FAM13A: variants seen among roughly 807,000 people sequenced by gnomAD.
The protein encoded by FAM13A is protein FAM13A.
A neutral mutation model predicts 129.6 loss-of-function variants in FAM13A; 76 were observed. That is an observed-to-expected ratio of 0.59 (90% CI 0.49 to 0.71). The LOEUF is 0.71. Ranked by LOEUF, FAM13A falls within the 30% of genes least tolerant of loss-of-function variation. The pLI is 0.00. For synonymous variants in FAM13A, 443 were observed against 449.9 expected, an observed-to-expected ratio of 0.98 and a Z score of 0.20; for missense variants, 1,108 against 1,249.3, an observed-to-expected ratio of 0.89 and a Z score of 1.70.
chr4:88,777,715 C>T (rs1022190692), intron 11 of FAM13A, among the ~76,000 whole-genome samples: 1 of 152,130 alleles, frequency 6.6e-6, no homozygotes, highest in East Asian at 1.9e-4. Flanking sequence ...TTGGCTGTGC[C>T]GTGGGCCAGC....
chr4:89,004,046 C>T (rs540131341), intron 3 of FAM13A, among the ~76,000 whole-genome samples: 2 of 152,302 alleles, frequency 1.3e-5, no homozygotes, highest in South Asian at 2.1e-4. Flanking sequence ...TGGTCTCAAA[C>T]TACTGGCCTA....
At chr4:88,769,199 TACA>T (rs1262820991) in intron 11 of FAM13A, among the ~76,000 whole-genome samples, 3 of 152,176 alleles carry the variant, frequency 2.0e-5, no homozygotes, top group African/African-American at 7.2e-5. Context: ...AGTTGGCATT[TACA>T]ACAATCTCCA....
At chr4:88,990,942 T>A (rs1395909794) in intron 4 of FAM13A, 31 bp downstream of exon 4, 1 of 1,540,902 alleles carries the variant, frequency 6.5e-7, no homozygotes. Flanking sequence ...GGGGACATGA[T>A]GATATTAACA....
At chr4:88,788,012 G>T in intron 9 of FAM13A, 80 bp from the exon 10 acceptor site, 1 of 1,099,248 alleles carries the variant, frequency 9.1e-7, no homozygotes, top group South Asian at 1.6e-5. Context: ...CTACAGTTTT[G>T]GGAACATCTG....
At chr4:88,963,150 G>A (rs1188204327) in intron 4 of FAM13A, among the ~76,000 whole-genome samples, 3 of 151,838 alleles carry the variant, frequency 2.0e-5, no homozygotes. Flanking sequence ...AAATTGATGA[G>A]GTTATATGCT....
chr4:88,763,205 C>T (rs538912985), intron 13 of FAM13A, among the ~76,000 whole-genome samples: 2 of 152,150 alleles, frequency 1.3e-5, no homozygotes, highest in African/African-American at 2.4e-5. Context: ...AAATGAAAAA[C>T]GTGTACAAAA....
chr4:88,737,555 C>T lies in FAM13A; in HGVS notation c.2563G>A (p.Gly855Ser), dbSNP rs145874119. ...CTTCTCCGCTTGCTGGAGGGGGAAC[C>T]CTGTGACAGGTGTTAACAAGTAGGT... is the stretch of plus-strand genomic sequence containing the variant. ...LSRANTIPII[G>S]SPSSKRRSPL... The change falls in exon 21 of 24, where the codon GGT (glycine) becomes AGT (serine). Residue 855 changes from glycine (G) to serine (S), a missense_variant and splice_region_variant. Physicochemically the swap from Gly to Ser is moderately conservative, Grantham distance 56. Coordinates refer to ENST00000264344, the MANE Select transcript of FAM13A (RefSeq NM_014883.4). 1 of 1,613,774 alleles carries T rather than the reference C, an allele frequency of 6.2e-7. No homozygotes were observed. The highest frequency in any genetic ancestry group is 8.5e-7 in the Non-Finnish European group (1 of 1,179,736).
intron 5 of FAM13A, among the ~76,000 whole-genome samples, chr4:88,934,749 A>C (rs1561377100): frequency 6.6e-6 from 1 of 152,212 alleles, no homozygotes. Flanking sequence ...GAGAAAAGAA[A>C]CCTCCAACTT....
intron 1 of FAM13A, among the ~76,000 whole-genome samples, chr4:89,036,732 GCCCAGGGT>G (rs905613799): frequency 6.6e-6 from 1 of 152,162 alleles, no homozygotes; most frequent in African/African-American, 2.4e-5. Context: ...CCTGGGCCAG[GCCCAGGGT>G]CCTGTTGCTC....
intron 10 of FAM13A, among the ~76,000 whole-genome samples, chr4:88,783,280 CT>C (rs920293681): frequency 1.3e-5 from 2 of 151,022 alleles, no homozygotes; most frequent in South Asian, 2.1e-4. Flanking sequence ...CCACTTATAA[CT>C]TTTTTTTTCA....
intron 7 of FAM13A, among the ~76,000 whole-genome samples, chr4:88,813,664 A>G (rs889186073): frequency 3.8e-4 from 58 of 152,332 alleles, no homozygotes; most frequent in African/African-American, 1.4e-3. Context: ...TGAGACAAAG[A>G]TGTGCAGAAG....
chr4:88,822,867 A>C, intron 7 of FAM13A: 1 of 1,506,912 alleles, frequency 6.6e-7, no homozygotes, highest in Non-Finnish European at 8.9e-7. Context: ...AACGGACTCT[A>C]CACACTTTGC....
rs1021795284 is a variant in FAM13A at position 88,924,395 on chromosome 4, C to T, written c.759+13693G>A. ...AACAGAACAGAGCCCTCAGAAATAA[C>T]GCCACATATCTACAACTATCTGATC... On this transcript the variant is annotated intron_variant, in intron 5 of 23. Coordinates refer to ENST00000264344, the MANE Select transcript of FAM13A (RefSeq NM_014883.4). Among the ~76,000 whole-genome samples the T allele has an allele frequency of 1.4e-3, 209 of 152,108 alleles. 2 individuals are homozygous for T. The highest frequency in any genetic ancestry group is 4.3e-3 in the African/African-American group (179 of 41,504).
intron 4 of FAM13A, among the ~76,000 whole-genome samples, chr4:88,976,535 C>A (rs1293640501): frequency 1.3e-5 from 2 of 152,050 alleles, no homozygotes; most frequent in Non-Finnish European, 2.9e-5. Flanking sequence ...ATTTTGTCAA[C>A]AACAAACCAA....
At chr4:88,804,785 T>G (rs1432265792) in intron 8 of FAM13A, among the ~76,000 whole-genome samples, 1 of 152,144 alleles carries the variant, frequency 6.6e-6, no homozygotes, top group Non-Finnish European at 1.5e-5. Context: ...ACTTTTGAAT[T>G]TAAAACAAAA....
intron 8 of FAM13A, among the ~76,000 whole-genome samples, chr4:88,791,666 G>T (rs771950979): frequency 1.3e-5 from 2 of 152,048 alleles, no homozygotes; most frequent in Admixed American, 6.6e-5. Context: ...GAAAATCAAA[G>T]TTGTTAAGGA....
rs557606961 is a variant in FAM13A at position 88,850,641 on chromosome 4, G to A, written c.1007+379C>T. On this transcript the variant is annotated intron_variant, in intron 7 of 23. Transcript: ENST00000264344. ...TAATGTGCAACATACTGGTTAAAAA[G>A]CAACACTCAAAATTAGTTTGTGAGA... Among the ~76,000 whole-genome samples, 373 of 152,204 alleles carry A rather than the reference G, an allele frequency of 2.5e-3. 5 individuals carry two copies. Among genetic ancestry groups the A allele is most frequent in the Middle Eastern group, 3.4e-3 (1 of 292 alleles).
rs543289452 is a variant in FAM13A, at chr4:88,874,324, C to A, written c.844-23141G>T. On this transcript the variant is annotated intron_variant, in intron 6 of 23. Transcript: ENST00000264344. ...GCAAGAGAAAAAAATAAAGAGTATT[C>A]AATTAGGAAAAGAGGAAGTCAAAGT... Among the ~76,000 whole-genome samples, 26 of 152,232 alleles carry A rather than the reference C, an allele frequency of 1.7e-4. 2 individuals carry two copies. In the East Asian group the frequency reaches 4.8e-3, roughly 28 times the overall value.
At chr4:89,038,742 G>T (rs1769718164) in intron 1 of FAM13A, among the ~76,000 whole-genome samples, 1 of 152,164 alleles carries the variant, frequency 6.6e-6, no homozygotes, top group Non-Finnish European at 1.5e-5. Context: ...GAATGCTGCA[G>T]TTAAATGTAG....
Sources: allele counts gnomAD v4.1 joint callset (sites outside exome capture counted in the v4.1 genomes callset), GRCh38; gene constraint gnomAD v4.1.1; transcripts MANE v1.5; gene names NCBI Gene and HGNC (gene_info 2026-07-23, HGNC 2026-07-21).